CREBZF: variants seen among roughly 807,000 people sequenced by gnomAD.
CREBZF encodes HCF-binding transcription factor Zhangfei.
Under a neutral mutation model 21.1 loss-of-function variants are expected in CREBZF, and 8 were observed. The ratio of observed to expected loss-of-function variants is 0.38; its 90% CI spans 0.22 to 0.68. The LOEUF is 0.68. Ranked by LOEUF, CREBZF falls within the 30% of genes least tolerant of loss-of-function variation. The probability of loss-of-function intolerance (pLI) is 0.51; values close to 1 mark genes in which losing one functional copy is unlikely to be tolerated. For synonymous variants in CREBZF, 270 were observed against 223.3 expected, an observed-to-expected ratio of 1.21 and a Z score of -1.86; for missense variants, 518 against 484.3, an observed-to-expected ratio of 1.07 and a Z score of -0.65.
intron 1 of CREBZF, among the ~76,000 whole-genome samples, chr11:85,674,028 C>T (rs916499764): frequency 1.3e-5 from 2 of 152,194 alleles, no homozygotes; most frequent in African/African-American, 4.8e-5. Context: ...GCAGTTATTT[C>T]CTCCACTAAA....
upstream of CREBZF, among the ~76,000 whole-genome samples, chr11:85,669,108 A>C (rs1373901337): frequency 6.7e-6 from 1 of 149,616 alleles, no homozygotes; most frequent in Non-Finnish European, 1.5e-5. Flanking sequence ...TTATTAAATG[A>C]CTTGCAGCAT....
At position 85,661,640 on chromosome 11, in the gene CREBZF, T is replaced by C. The variant is rs2082682872; in HGVS notation, c.*2171A>G. The C allele has an allele frequency of 1.3e-5, 2 of 152,584 alleles. No homozygotes were observed. The highest frequency in any genetic ancestry group is 1.5e-5 in the Non-Finnish European group (1 of 68,010). 9.5% of individuals were successfully genotyped at this position (152,584 alleles called of 1,614,324 possible). ...GTTTTTAGAAAAATGAACTTACTGC[T>C]TTCCAGAACCTTTTAAGACCCACAG... On this transcript the variant is annotated 3_prime_UTR_variant, in exon 1 of 1. Transcript: ENST00000527447.
At position 85,676,970 on chromosome 11, in the gene CREBZF, C is replaced by CTTTTTTTTTTTTTTTTTTTTTTT. The variant is rs1422368391; in HGVS notation, n.147+5746_147+5747insAAAAAAAAAAAAAAAAAAAAAAA. 1.9e-4 allele frequency among the ~76,000 whole-genome samples: 22 copies of CTTTTTTTTTTTTTTTTTTTTTTT among 118,636 alleles called. 1 individual carries two copies. Among genetic ancestry groups the CTTTTTTTTTTTTTTTTTTTTTTT allele is most frequent in the African/African-American group, 3.3e-4 (10 of 30,210 alleles). 77.8% of individuals were successfully genotyped at this position (118,636 alleles called of 152,430 possible). ...TAAAGTAATTTTTTTCTTTTTCTGT[C>CTTTTTTTTTTTTTTTTTTTTTTT]TTTTTTTTTTTGAGACAGAATGTCA... On this transcript the variant is annotated intron_variant and non_coding_transcript_variant, in intron 1 of 3. Transcript: ENST00000531515.
rs1006994905 is a variant in CREBZF at position 85,661,620 on chromosome 11, T to C, written c.*2191A>G. On this transcript the variant is annotated 3_prime_UTR_variant, in exon 1 of 1. Transcript: ENST00000527447. Reference sequence around the variant, plus strand: ...TACTCCAACAGAATGTTATAGTTTTTAGAAAAATGAACTTACTGCTTTCCA... The same window carrying C: ...TACTCCAACAGAATGTTATAGTTTTCAGAAAAATGAACTTACTGCTTTCCA... 1 of 152,634 alleles carries C rather than the reference T, an allele frequency of 6.6e-6. No homozygotes were observed. Among genetic ancestry groups the C allele is most frequent in the Non-Finnish European group, 1.5e-5 (1 of 68,018 alleles). The allele number at this position is 152,634 out of a possible 1,614,324, so 9.5% of individuals were successfully genotyped here.
At position 85,664,820 on chromosome 11, in the gene CREBZF, C is replaced by A; in HGVS notation, c.56G>T (p.Arg19Leu). 1 of 1,548,990 alleles carries A rather than the reference C, an allele frequency of 6.5e-7. No individual in the cohort carries two copies. Among genetic ancestry groups the A allele is most frequent in the Non-Finnish European group, 8.7e-7 (1 of 1,152,790 alleles). Residue 19 changes from arginine (R) to leucine (L), a missense_variant, in exon 1 of 1, where the codon CGC becomes CTC. By Grantham distance (102) the Arg-to-Leu change is moderately radical (BLOSUM62 -2). Around this residue, in one of 3 missense-constraint regions of CREBZF, gnomAD observed 396 missense variants for 324.4 expected, o/e 1.22. Transcript: ENST00000527447. This position sits in a 1 kb window ranked among gnomAD's most constrained non-coding sequence, Gnocchi z 5.5. Reference sequence around the variant, plus strand: ...TGCAGCCGGCTCCGGGCTCTCACTGCGGGTTGGGGAGTTGCTGCCCGAGGC... The same window carrying A: ...TGCAGCCGGCTCCGGGCTCTCACTGAGGGTTGGGGAGTTGCTGCCCGAGGC... The part of the protein sequence containing the change: ...LAASGSNSPT[R>L]SESPEPAATC...
intron 1 of CREBZF, among the ~76,000 whole-genome samples, chr11:85,678,896 T>C (rs986182696): frequency 1.3e-5 from 2 of 152,184 alleles, no homozygotes; most frequent in African/African-American, 4.8e-5. Context: ...TTGCTGATCA[T>C]AGATCTGAGT....
chr11:85,679,383 C>T (rs2082961613), intron 1 of CREBZF, among the ~76,000 whole-genome samples: 1 of 152,176 alleles, frequency 6.6e-6, no homozygotes, highest in South Asian at 2.1e-4. Context: ...TATCCTACCA[C>T]TTAGCATAGT....
chr11:85,665,144 C>T, upstream of CREBZF: 1 of 401,498 alleles, frequency 2.5e-6, no homozygotes, highest in Non-Finnish European at 4.6e-6. Context: ...GTTTTCGCCC[C>T]AGTCCCGCCC....
chr11:85,682,643 A>T, intron 1 of CREBZF: 1 of 202,262 alleles, frequency 4.9e-6, no homozygotes. Context: ...CTCTTCCCCC[A>T]TATAACGTGG....
At chr11:85,668,628 ACTTC>A (rs564202806), upstream of CREBZF, among the ~76,000 whole-genome samples, 528 of 152,312 alleles carry the variant, frequency 3.5e-3, 1 homozygote, top group African/African-American at 0.012. Context: ...TTTGTAGCCA[ACTTC>A]CTTATCTTAT....
At position 85,660,712 on chromosome 11, in the gene CREBZF, A is replaced by G; in HGVS notation, c.*3099T>C. 2.6e-6 allele frequency: 1 copy of G among 385,252 alleles called. No homozygotes were observed. The highest frequency in any genetic ancestry group is 1.9e-5 in the South Asian group (1 of 52,178). The allele number at this position is 385,252 out of a possible 1,614,324, so 23.9% of individuals were successfully genotyped here. On this transcript the variant is annotated 3_prime_UTR_variant, in exon 1 of 1. Transcript: ENST00000527447. Reference sequence around the variant, plus strand: ...TCAGAGGTGTGACTACATTTTAACAAAAGTGGACTTTTTAAGATAAGTCTG... The same window carrying G: ...TCAGAGGTGTGACTACATTTTAACAGAAGTGGACTTTTTAAGATAAGTCTG...
chr11:85,681,057 G>T (rs1454614968), intron 1 of CREBZF, among the ~76,000 whole-genome samples: 1 of 152,204 alleles, frequency 6.6e-6, no homozygotes, highest in Non-Finnish European at 1.5e-5. Context: ...CTTGGCTGAG[G>T]TATTTGCATA....
At chr11:85,675,540 A>G (rs1461527366) in intron 1 of CREBZF, among the ~76,000 whole-genome samples, 1 of 152,216 alleles carries the variant, frequency 6.6e-6, no homozygotes, top group African/African-American at 2.4e-5. Flanking sequence ...AGTATGAAAG[A>G]TCAATGATCA....
intron 1 of CREBZF, among the ~76,000 whole-genome samples, chr11:85,670,938 A>T (rs912260755): frequency 6.6e-6 from 1 of 152,208 alleles, no homozygotes; most frequent in South Asian, 2.1e-4. Flanking sequence ...TGTCCTTATA[A>T]AAAGAAAACA....
upstream of CREBZF, among the ~76,000 whole-genome samples, chr11:85,666,651 G>C (rs2082867670): frequency 6.6e-6 from 1 of 152,224 alleles, no homozygotes; most frequent in Non-Finnish European, 1.5e-5. Context: ...CAGAAAGCAA[G>C]GTCCAGGGAA....
chr11:85,677,006 C>G lies in CREBZF; in HGVS notation n.147+5711G>C, dbSNP rs529761742. Among the ~76,000 whole-genome samples the G allele has an allele frequency of 1.6e-4, 21 of 130,780 alleles. No homozygotes were observed. In the South Asian group the frequency reaches 5.2e-3, roughly 33 times the overall value. The allele number at this position is 130,780 out of a possible 152,430, so 85.8% of individuals were successfully genotyped here. ...TGAGACAGAATGTCACTCTGTCACC[C>G]AGGCTGAAATGCAGTGATGCAATCT... On this transcript the variant is annotated intron_variant and non_coding_transcript_variant, in intron 1 of 3. Coordinates refer to the CREBZF transcript ENST00000531515.
Position 85,663,827 on chromosome 11 carries a change from G to A in CREBZF, c.1049C>T (p.Ser350Phe). 2.5e-6 allele frequency: 4 copies of A among 1,601,162 alleles called. No individual in the cohort carries two copies. Among genetic ancestry groups the A allele is most frequent in the Non-Finnish European group, 3.4e-6 (4 of 1,176,130 alleles). Residue 350 changes from serine (S) to phenylalanine (F), a missense_variant, in exon 1 of 1, where the codon TCT (serine) becomes TTT (phenylalanine). Coordinates refer to ENST00000527447, the MANE Select transcript of CREBZF (RefSeq NM_001039618.4). ...TACTTGACCCTACATTTTAAGAGAA[G>A]ACGACGCCTTCCGGGCGCACGCCGA... Reference protein sequence around the residue: ...FCSACARKASSSLKM With the variant: ...FCSACARKASFSLKM
rs1345932946 is a variant in CREBZF, at chr11:85,660,944, A to G, written c.*2867T>C. 5 of 157,970 alleles carry G rather than the reference A, an allele frequency of 3.2e-5. No homozygotes were observed. The highest frequency in any genetic ancestry group is 5.6e-5 in the Non-Finnish European group (4 of 71,842). The allele number at this position is 157,970 out of a possible 1,614,324, so 9.8% of individuals were successfully genotyped here. On this transcript the variant is annotated 3_prime_UTR_variant, in exon 1 of 1. Coordinates refer to ENST00000527447, the MANE Select transcript of CREBZF (RefSeq NM_001039618.4). ...CCCAAATACTAAATTGTTTTCAACC[A>G]TTACAGTAAATAGAGCCAAACCTAG...
At position 85,658,225 on chromosome 11, in the gene CREBZF, C is replaced by T. The variant is rs1306458071; in HGVS notation, c.*5586G>A. Among the ~76,000 whole-genome samples, 3 of 151,884 alleles carry T rather than the reference C, an allele frequency of 2.0e-5. No homozygotes were observed. Among genetic ancestry groups the T allele is most frequent in the Non-Finnish European group, 1.5e-5 (1 of 67,840 alleles). ...TGTAATCAACTTAGATAATTCAAAG[C>T]CCAATGATATAACTAAGTTCTTTGA... On this transcript the variant is annotated 3_prime_UTR_variant, in exon 1 of 1. Coordinates refer to ENST00000527447, the MANE Select transcript of CREBZF (RefSeq NM_001039618.4).
Sources: allele counts gnomAD v4.1 joint callset (sites outside exome capture counted in the v4.1 genomes callset), GRCh38; gene constraint gnomAD v4.1.1; regional missense constraint gnomAD v4.1.1; non-coding constraint Gnocchi (gnomAD v3.1); transcripts MANE v1.5; gene names NCBI Gene and HGNC (gene_info 2026-07-23, HGNC 2026-07-21).